The following SPATA6 variants were observed in gnomAD, a reference collection of about 807,000 sequenced individuals.
SPATA6 encodes spermatogenesis-associated protein 6.
SPATA6 carries 56 observed loss-of-function variants against 65.3 expected under a neutral mutation model. The observed-to-expected ratio is 0.86, with a 90% CI of 0.69 to 1.07. The LOEUF is 1.07. SPATA6 is among the 50% of genes least tolerant of loss of function. The pLI is 0.00. For synonymous variants in SPATA6, 199 were observed against 213.2 expected (o/e 0.93, Z 0.58); for missense variants, 590 against 594.8 (o/e 0.99, Z 0.08).
intron 11 of SPATA6, among the ~76,000 whole-genome samples, chr1:48,322,073 G>GA (rs1157310034): frequency 1.3e-5 from 2 of 151,302 alleles, no homozygotes; most frequent in African/African-American, 2.4e-5. Flanking sequence ...AAGTAGGTGG[G>GA]AAAAAAAAGA....
chr1:48,319,198 G>C (rs1032724578), intron 11 of SPATA6, among the ~76,000 whole-genome samples: 1 of 152,076 alleles, frequency 6.6e-6, no homozygotes, highest in African/African-American at 2.4e-5. Flanking sequence ...TATGTCCCTA[G>C]ACTAAGCAAC....
At position 48,318,251 on chromosome 1, in the gene SPATA6, T is replaced by C. The variant is rs1221311209; in HGVS notation, c.1195-12373A>G. On this transcript the variant is annotated intron_variant, in intron 11 of 12. Coordinates refer to ENST00000371847, the MANE Select transcript of SPATA6 (RefSeq NM_019073.4). ...AGGATGGGCACTCTCCCCACTTCTA[T>C]TCAGCAGTATATTGGGGGTGCTATC... Among the ~76,000 whole-genome samples, 3 of 152,184 alleles carry C rather than the reference T, an allele frequency of 2.0e-5. No individual in the cohort carries two copies. The East Asian group carries it at 5.8e-4, about 29-fold the overall frequency.
chr1:48,386,370 C>A (rs77116611), intron 8 of SPATA6, among the ~76,000 whole-genome samples: 6,477 of 152,276 alleles, frequency 0.043, 192 homozygotes, highest in Non-Finnish European at 0.068. Flanking sequence ...ATATCTGTTA[C>A]ACTGACAGAA....
At chr1:48,319,150 ATAC>A (rs1197688345) in intron 11 of SPATA6, among the ~76,000 whole-genome samples, 1 of 152,182 alleles carries the variant, frequency 6.6e-6, no homozygotes, top group Non-Finnish European at 1.5e-5. Context: ...GTAAAGGCCA[ATAC>A]TGTAAAACTC....
chr1:48,369,890 A>T (rs1182288817), intron 9 of SPATA6, among the ~76,000 whole-genome samples: 1 of 152,208 alleles, frequency 6.6e-6, no homozygotes, highest in East Asian at 1.9e-4. Flanking sequence ...GGAGCTGTAG[A>T]CCGGAGCTCC....
chr1:48,384,029 A>G (rs1480165899), intron 9 of SPATA6, among the ~76,000 whole-genome samples: 1 of 151,122 alleles, frequency 6.6e-6, no homozygotes, highest in African/African-American at 2.4e-5. Flanking sequence ...ACGCCACTGC[A>G]CTCCAGCCTG....
At chr1:48,369,175 G>A (rs891705881) in intron 9 of SPATA6, among the ~76,000 whole-genome samples, 15 of 152,144 alleles carry the variant, frequency 9.9e-5, no homozygotes, top group Non-Finnish European at 1.6e-4. Context: ...AGGAGTACCC[G>A]GCCGTGTGAG....
the SPATA6 span, among the ~76,000 whole-genome samples, chr1:48,270,693 C>T: frequency 6.6e-6 from 1 of 151,250 alleles, no homozygotes; most frequent in African/African-American, 2.4e-5. Flanking sequence ...GGCTTAAGAC[C>T]TTTAAAAAAT....
chr1:48,320,550 T>G (rs574333446), intron 11 of SPATA6, among the ~76,000 whole-genome samples: 2 of 152,138 alleles, frequency 1.3e-5, no homozygotes, highest in Non-Finnish European at 2.9e-5. Context: ...AAATAAAGAC[T>G]TTCCCAGACA....
intron 6 of SPATA6, among the ~76,000 whole-genome samples, chr1:48,400,114 T>A (rs1335474119): frequency 1.3e-5 from 2 of 151,884 alleles, no homozygotes; most frequent in African/African-American, 2.4e-5. Flanking sequence ...TCATCCCTTC[T>A]GCTATAATTA....
chr1:48,272,496 A>AT, the SPATA6 span, among the ~76,000 whole-genome samples: 2 of 152,146 alleles, frequency 1.3e-5, no homozygotes, highest in African/African-American at 4.8e-5. Context: ...CCATCCATGT[A>AT]GTCACAAATG....
chr1:48,367,864 A>G (rs533837109), intron 9 of SPATA6, among the ~76,000 whole-genome samples: 4 of 152,298 alleles, frequency 2.6e-5, no homozygotes, highest in African/African-American at 7.2e-5. Context: ...TATTTTGCTC[A>G]TTAGTTCATG....
At chr1:48,427,740 G>A (rs1166770834) in intron 3 of SPATA6, among the ~76,000 whole-genome samples, 1 of 152,130 alleles carries the variant, frequency 6.6e-6, no homozygotes, top group East Asian at 1.9e-4. Context: ...AACTTAGAGG[G>A]TACATGTGCA....
In SPATA6 at chr1:48,295,436, A is replaced by G. The variant is rs1002948832; in HGVS notation, c.*3277T>C. The G allele has an allele frequency of 2.0e-5, 3 of 152,222 alleles. No individual in the cohort carries two copies. The highest frequency in any genetic ancestry group is 4.4e-5 in the Non-Finnish European group (3 of 68,026). 9.4% of individuals were successfully genotyped at this position (152,222 alleles called of 1,614,324 possible). A position where few individuals can be genotyped will look rare whatever the true frequency, so the allele number is the denominator to read the frequency against. On this transcript the variant is annotated 3_prime_UTR_variant, in exon 13 of 13. Coordinates refer to ENST00000371847, the MANE Select transcript of SPATA6 (RefSeq NM_019073.4). ...GAATGAAGTATTCATACGTGTTACAACATGCATGAACTCTCAAAATATTTT... is the reference window on the plus strand; with the variant it reads ...GAATGAAGTATTCATACGTGTTACAGCATGCATGAACTCTCAAAATATTTT...
intron 2 of SPATA6, among the ~76,000 whole-genome samples, chr1:48,452,368 A>C (rs992181627): frequency 1.3e-5 from 2 of 151,626 alleles, no homozygotes; most frequent in African/African-American, 4.9e-5. Context: ...AAACAGTCAT[A>C]AGTAAAATAT....
chr1:48,405,768 G>T (rs1450693579), intron 5 of SPATA6, among the ~76,000 whole-genome samples: 1 of 152,068 alleles, frequency 6.6e-6, no homozygotes, highest in Admixed American at 6.6e-5. Context: ...CTCAATGACA[G>T]AGTAGTTAGG....
the SPATA6 span, among the ~76,000 whole-genome samples, chr1:48,278,929 G>A: frequency 2.0e-5 from 3 of 152,196 alleles, no homozygotes; most frequent in Non-Finnish European, 4.4e-5. Context: ...GGCAGCCAGA[G>A]AGAAAGGTCA....
intron 3 of SPATA6, chr1:48,436,808 T>C (rs1654982850): frequency 6.2e-7 from 1 of 1,613,930 alleles, no homozygotes; most frequent in Non-Finnish European, 8.5e-7. Flanking sequence ...TTACAGAAAC[T>C]GAAAGGTCCT....
At chr1:48,463,921 T>C (rs1452256296) in intron 1 of SPATA6, among the ~76,000 whole-genome samples, 1 of 151,570 alleles carries the variant, frequency 6.6e-6, no homozygotes, top group East Asian at 1.9e-4. Context: ...ATTACAGGAA[T>C]AGGAATAGTT....
Sources: allele counts gnomAD v4.1 joint callset (sites outside exome capture counted in the v4.1 genomes callset), GRCh38; gene constraint gnomAD v4.1.1; transcripts MANE v1.5; gene names NCBI Gene and HGNC (gene_info 2026-07-23, HGNC 2026-07-21).